STK39: variants seen among roughly 807,000 people sequenced by gnomAD.
STK39 encodes the protein serine/threonine kinase 39.
A neutral mutation model predicts 77.8 loss-of-function variants in STK39; 20 were observed. The ratio of observed to expected loss-of-function variants is 0.26; its 90% CI spans 0.18 to 0.37. The LOEUF is 0.37. Ranked by LOEUF, STK39 falls within the 10% of genes least tolerant of loss-of-function variation. STK39 has a pLI of 1.00. For missense variants in STK39, 479 were observed against 656.5 expected (o/e 0.73, Z 2.95); for synonymous variants, 246 against 234.1 (o/e 1.05, Z -0.47).
chr2:168,044,314 G>GA (rs975854546), intron 14 of STK39, among the ~76,000 whole-genome samples: 1 of 152,098 alleles, frequency 6.6e-6, no homozygotes, highest in Non-Finnish European at 1.5e-5. Context: ...GATTAGGATG[G>GA]AAAAATAGAT....
chr2:167,958,790 G>A (rs554241343), intron 17 of STK39, among the ~76,000 whole-genome samples: 4 of 152,312 alleles, frequency 2.6e-5, no homozygotes, highest in Middle Eastern at 3.4e-3. Context: ...CAGTATTGAA[G>A]TTTTCATACC....
intron 1 of STK39, among the ~76,000 whole-genome samples, chr2:168,215,642 CCTTT>C (rs778242537): frequency 6.6e-6 from 1 of 152,124 alleles, no homozygotes; most frequent in Non-Finnish European, 1.5e-5. Flanking sequence ...AAAAGGCTGC[CCTTT>C]CTAATAATTA....
At chr2:168,219,402 G>C (rs1690108469) in intron 1 of STK39, among the ~76,000 whole-genome samples, 1 of 152,070 alleles carries the variant, frequency 6.6e-6, no homozygotes, top group African/African-American at 2.4e-5. Flanking sequence ...AGGCACTATG[G>C]GGACTTCCTA....
chr2:168,132,842 C>G (rs1463518466), intron 8 of STK39, among the ~76,000 whole-genome samples: 1 of 152,102 alleles, frequency 6.6e-6, no homozygotes, highest in Non-Finnish European at 1.5e-5. Context: ...GTTTCCAATA[C>G]CTAGCACAGA....
chr2:168,190,013 T>G (rs1689301046), intron 1 of STK39, among the ~76,000 whole-genome samples: 1 of 152,206 alleles, frequency 6.6e-6, no homozygotes, highest in Non-Finnish European at 1.5e-5. Context: ...TGTTGCCTTC[T>G]TGAACAACTC....
At chr2:168,108,958 T>G (rs947932191) in intron 10 of STK39, among the ~76,000 whole-genome samples, 1 of 152,182 alleles carries the variant, frequency 6.6e-6, no homozygotes. Context: ...TCCCATTTAA[T>G]AGTCGTAACA....
intron 16 of STK39, among the ~76,000 whole-genome samples, chr2:168,001,616 TA>T (rs1684004080): frequency 6.6e-6 from 1 of 152,168 alleles, no homozygotes; most frequent in Admixed American, 6.5e-5. Context: ...CCACAATGAA[TA>T]AAAAATATAT....
At chr2:168,191,343 G>A (rs149758392) in intron 1 of STK39, among the ~76,000 whole-genome samples, 126 of 152,162 alleles carry the variant, frequency 8.3e-4, no homozygotes, top group African/African-American at 2.2e-3. Flanking sequence ...ATACAACCTT[G>A]GTGGTCTTCA....
At chr2:168,018,584 AAGAAAGAAAG>A (rs1194858445) in intron 14 of STK39, among the ~76,000 whole-genome samples, 1 of 151,140 alleles carries the variant, frequency 6.6e-6, no homozygotes. Flanking sequence ...GAAAGAAAGA[AAGAAAGAAAG>A]AAAGAAATTG....
chr2:167,985,885 C>A (rs1683544521), intron 16 of STK39, among the ~76,000 whole-genome samples: 1 of 152,126 alleles, frequency 6.6e-6, no homozygotes, highest in African/African-American at 2.4e-5. Context: ...CTCTTAGCAG[C>A]CCAAGACTGG....
intron 1 of STK39, among the ~76,000 whole-genome samples, chr2:168,197,598 T>C (rs2105666060): frequency 6.6e-6 from 1 of 152,346 alleles, no homozygotes; most frequent in South Asian, 2.1e-4. Flanking sequence ...CAAATGGGTA[T>C]TCATGTGTAC....
chr2:168,009,679 AGTGT>A (rs770530714), intron 16 of STK39, among the ~76,000 whole-genome samples: 6 of 152,186 alleles, frequency 3.9e-5, no homozygotes, highest in Non-Finnish European at 8.8e-5. Context: ...TAGACACTTA[AGTGT>A]GATGTCCATG....
chr2:168,203,755 A>T (rs1325698724), intron 1 of STK39, among the ~76,000 whole-genome samples: 1 of 152,090 alleles, frequency 6.6e-6, no homozygotes, highest in East Asian at 1.9e-4. Context: ...ACCGTGCCCC[A>T]CTAATTTTTT....
chr2:167,989,657 G>T (rs920973726), intron 16 of STK39, among the ~76,000 whole-genome samples: 3 of 152,064 alleles, frequency 2.0e-5, no homozygotes, highest in Non-Finnish European at 4.4e-5. Flanking sequence ...CATTAGGTTT[G>T]TAAGTCTTCA....
chr2:168,138,365 T>C, intron 7 of STK39, 144 bp from the exon 8 acceptor site: 1 of 1,143,066 alleles, frequency 8.7e-7, no homozygotes, highest in Middle Eastern at 3.1e-4. Flanking sequence ...AGAAATTGTG[T>C]ATTTAAAGTA....
At chr2:168,082,741 A>G (rs544061687) in intron 10 of STK39, among the ~76,000 whole-genome samples, 1 of 152,324 alleles carries the variant, frequency 6.6e-6, no homozygotes, top group East Asian at 1.9e-4. Context: ...CTAAATTGAA[A>G]TCCTTGGAAA....
chr2:168,126,562 C>T lies in STK39; in HGVS notation c.1089+2979G>A, dbSNP rs183261467. On this transcript the variant is annotated intron_variant, in intron 10 of 17. Transcript: ENST00000355999. ...GAATCACAAGCCAGAGCGGGGCTTG[C>T]GGGGAGACTACCCACTATTAACAGG... 3.5e-4 allele frequency among the ~76,000 whole-genome samples: 53 copies of T among 152,238 alleles called. No homozygotes were observed. The East Asian group carries it at 9.1e-3, about 26-fold the overall frequency.
chr2:168,066,686 C>T (rs1685803485), intron 12 of STK39, among the ~76,000 whole-genome samples: 1 of 152,246 alleles, frequency 6.6e-6, no homozygotes, highest in South Asian at 2.1e-4. Context: ...AGACCCATCT[C>T]CTGCCCTGCA....
intron 10 of STK39, among the ~76,000 whole-genome samples, chr2:168,088,068 A>C (rs1686417182): frequency 1.3e-5 from 2 of 151,748 alleles, no homozygotes; most frequent in African/African-American, 4.8e-5. Context: ...CCCGAGAAAA[A>C]ACCTGGAAAG....
Sources: gnomAD v4.1 joint callset for allele counts (sites outside exome capture counted in the v4.1 genomes callset) on GRCh38, gnomAD v4.1.1 for gene constraint, MANE v1.5 for transcripts, NCBI Gene and HGNC (gene_info 2026-07-23, HGNC 2026-07-21) for gene names.